CTNNA2: variants seen among roughly 807,000 people sequenced by gnomAD.
The protein encoded by CTNNA2 is catenin alpha 2.
CTNNA2 carries 42 observed loss-of-function variants against 101.0 expected under a neutral mutation model. The observed-to-expected ratio is 0.42, with a 90% CI of 0.32 to 0.54. The LOEUF (loss-of-function observed/expected upper bound fraction) is 0.54. Among genes scored for constraint, CTNNA2 ranks in the 20% least tolerant of loss-of-function variants. The pLI is 0.14. For synonymous variants in CTNNA2, 450 were observed against 456.4 expected (o/e 0.99, Z 0.18); for missense variants, 871 against 1,223.1 (o/e 0.71, Z 4.29).
intron 9 of CTNNA2, among the ~76,000 whole-genome samples, chr2:80,510,766 G>A (rs1200040052): frequency 6.6e-6 from 1 of 152,176 alleles, no homozygotes; most frequent in Admixed American, 6.5e-5. Context: ...CTTGTGACGT[G>A]AGAGTTATAA....
chr2:79,920,252 A>G (rs1052629912), intron 7 of CTNNA2, among the ~76,000 whole-genome samples: 22 of 152,148 alleles, frequency 1.4e-4, no homozygotes, highest in African/African-American at 5.3e-4. Flanking sequence ...GTTCTTTCAT[A>G]AACTTTGCAT....
intron 4 of CTNNA2, among the ~76,000 whole-genome samples, chr2:79,466,509 C>G (rs1416893755): frequency 6.6e-6 from 1 of 152,220 alleles, no homozygotes; most frequent in Non-Finnish European, 1.5e-5. Context: ...ATGTCCCTGT[C>G]TGACAGCTTT....
intron 4 of CTNNA2, among the ~76,000 whole-genome samples, chr2:79,478,813 G>A (rs1383882193): frequency 6.6e-6 from 1 of 152,096 alleles, no homozygotes; most frequent in Admixed American, 6.6e-5. Flanking sequence ...TGAGCATGTA[G>A]TATAATACCC....
chr2:79,862,775 G>T (rs2103978046), intron 4 of CTNNA2, among the ~76,000 whole-genome samples: 1 of 152,298 alleles, frequency 6.6e-6, no homozygotes, highest in South Asian at 2.1e-4. Context: ...AGCATAGAGT[G>T]CAATGCATGT....
intron 7 of CTNNA2, among the ~76,000 whole-genome samples, chr2:80,387,441 G>A (rs754343986): frequency 6.6e-6 from 1 of 152,180 alleles, no homozygotes; most frequent in Non-Finnish European, 1.5e-5. Context: ...CAGAAGGGGT[G>A]ATGGGTATTT....
intron 9 of CTNNA2, among the ~76,000 whole-genome samples, chr2:80,484,471 G>A (rs1351113147): frequency 2.6e-5 from 4 of 152,052 alleles, no homozygotes; most frequent in Non-Finnish European, 4.4e-5. Flanking sequence ...CGGCGAAAAA[G>A]GAATATGATT....
At chr2:80,200,937 A>T (rs7589687) in intron 7 of CTNNA2, among the ~76,000 whole-genome samples, 57,149 of 151,674 alleles carry the variant, frequency 0.38, 12,831 homozygotes, top group Non-Finnish European at 0.51. Context: ...AGTAACAAAG[A>T]TTATACAATC....
chr2:79,989,462 A>AAAAC (rs150303745), intron 7 of CTNNA2, among the ~76,000 whole-genome samples: 6 of 152,030 alleles, frequency 3.9e-5, no homozygotes, highest in South Asian at 2.1e-4. Context: ...CGTCTATACA[A>AAAAC]AAACAAACAA....
chr2:79,573,693 A>G (rs1362596187), intron 1 of CTNNA2: 2 of 152,236 alleles, frequency 1.3e-5, no homozygotes, highest in East Asian at 3.8e-4. Flanking sequence ...GAAAATAATA[A>G]TAAATATTTT....
chr2:79,967,101 C>A (rs1690123480), intron 7 of CTNNA2, among the ~76,000 whole-genome samples: 1 of 101,054 alleles, frequency 9.9e-6, no homozygotes, highest in Non-Finnish European at 2.0e-5. Context: ...CCTATGCGTG[C>A]ACACACGCGC....
At chr2:79,680,684 G>A (rs1180534915) in intron 2 of CTNNA2, among the ~76,000 whole-genome samples, 2 of 152,078 alleles carry the variant, frequency 1.3e-5, no homozygotes, top group Admixed American at 6.5e-5. Flanking sequence ...AGAGTTCCAG[G>A]GAATCTTACT....
chr2:80,648,372 A>G lies in CTNNA2; in HGVS notation c.*500A>G, dbSNP rs1442043740. On this transcript the variant is annotated 3_prime_UTR_variant, in exon 19 of 19. Coordinates refer to ENST00000402739, the MANE Select transcript of CTNNA2 (RefSeq NM_001282597.3). ...ATTGAACAATTTAACCTTGAAGTCT[A>G]TATCCGTGATATTATGTCGATTTTT... is the stretch of plus-strand genomic sequence containing the variant. 6.6e-6 allele frequency: 1 copy of G among 152,630 alleles called. No homozygotes were observed. Among genetic ancestry groups the G allele is most frequent in the African/African-American group, 2.4e-5 (1 of 41,446 alleles). The allele number at this position is 152,630 out of a possible 1,614,324, so 9.5% of individuals were successfully genotyped here. A position where few individuals can be genotyped will look rare whatever the true frequency, so the allele number is the denominator to read the frequency against.
In CTNNA2 at chr2:79,612,434, C is replaced by G. The variant is rs1678339045; in HGVS notation, c.-5-39118C>G. 2.0e-5 allele frequency among the ~76,000 whole-genome samples: 3 copies of G among 152,258 alleles called. No individual in the cohort carries two copies. The South Asian group carries it at 6.2e-4, about 32-fold the overall frequency. The stretch of plus-strand genomic sequence containing the variant: ...ATTGTTAGGTAGACTGTTTTCATAA[C>G]AAACCAACATATGAGCACCTGCTTT... On this transcript the variant is annotated intron_variant, in intron 1 of 18. Coordinates refer to ENST00000402739, the MANE Select transcript of CTNNA2 (RefSeq NM_001282597.3).
intron 9 of CTNNA2, among the ~76,000 whole-genome samples, chr2:80,514,451 G>A (rs1196182761): frequency 6.6e-6 from 1 of 152,178 alleles, no homozygotes; most frequent in East Asian, 1.9e-4. Context: ...CTACCAATGA[G>A]TGCAAACGGC....
intron 4 of CTNNA2, among the ~76,000 whole-genome samples, chr2:79,401,736 C>T (rs1678292403): frequency 6.6e-6 from 1 of 151,272 alleles, no homozygotes; most frequent in Non-Finnish European, 1.5e-5. Context: ...GCAAGTAAAA[C>T]ATCAGACATA....
chr2:80,574,160 C>T lies in CTNNA2; in HGVS notation c.1742-3C>T. On this transcript the variant is annotated splice_polypyrimidine_tract_variant and splice_region_variant and intron_variant, in intron 12 of 18. Transcript: ENST00000402739. ...AATCCTCTGCTTTTTATTTTTAACC[C>T]AGTGATGCCACGCTTCGCTGAACAA... 1 of 1,608,144 alleles carries T rather than the reference C, an allele frequency of 6.2e-7. No individual in the cohort carries two copies. The highest frequency in any genetic ancestry group is 8.5e-7 in the Non-Finnish European group (1 of 1,176,232).
chr2:79,824,504 T>C (rs968775782), intron 3 of CTNNA2, among the ~76,000 whole-genome samples: 2 of 132,540 alleles, frequency 1.5e-5, no homozygotes, highest in Non-Finnish European at 3.2e-5. Flanking sequence ...CCAGGAGCAC[T>C]GCCCCAGTGC....
intron 3 of CTNNA2, among the ~76,000 whole-genome samples, chr2:79,810,966 T>C (rs1285852777): frequency 8.6e-5 from 13 of 151,688 alleles, no homozygotes; most frequent in African/African-American, 3.2e-4. Flanking sequence ...TTTGCTATTG[T>C]GAATAGTGCC....
intron 3 of CTNNA2, among the ~76,000 whole-genome samples, chr2:79,831,744 A>T (rs1304641749): frequency 1.4e-5 from 2 of 147,556 alleles, no homozygotes; most frequent in Non-Finnish European, 3.0e-5. Context: ...GAGAGTACAC[A>T]TTTTTTTTTT....
Sources: allele counts gnomAD v4.1 joint callset (sites outside exome capture counted in the v4.1 genomes callset), GRCh38; gene constraint gnomAD v4.1.1; transcripts MANE v1.5; gene names NCBI Gene and HGNC (gene_info 2026-07-23, HGNC 2026-07-21).